The following MMP19 variants were observed in gnomAD, a reference collection of about 807,000 sequenced individuals.
MMP19 encodes matrix metalloproteinase-19.
A neutral mutation model predicts 46.6 loss-of-function variants in MMP19; 47 were observed. The ratio of observed to expected loss-of-function variants is 1.01; its 90% CI spans 0.80 to 1.29. MMP19 has a LOEUF of 1.29. Ranked by LOEUF, MMP19 falls within the 50% of genes most tolerant of loss-of-function variation. The pLI is 0.00. For synonymous variants in MMP19, 222 were observed against 248.5 expected, an observed-to-expected ratio of 0.89 and a Z score of 1.00; for missense variants, 589 against 643.5, an observed-to-expected ratio of 0.92 and a Z score of 0.92.
At chr12:55,837,497 A>T in intron 8 of MMP19, 58 bp downstream of exon 8, 1 of 1,602,900 alleles carries the variant, frequency 6.2e-7, no homozygotes, top group South Asian at 1.1e-5. Flanking sequence ...TTTGCTTCTC[A>T]GTATAAGGTA....
In MMP19 at chr12:55,836,055, C is replaced by T. The variant is rs1881189499; in HGVS notation, c.*981G>A. ...TTCTCACCGTGGGTGGCACTAATTT[C>T]CTCCTTAACCAGAACTTTGTTCCAG... On this transcript the variant is annotated 3_prime_UTR_variant, in exon 9 of 9. Coordinates refer to ENST00000322569, the MANE Select transcript of MMP19 (RefSeq NM_002429.6). 1 of 152,260 alleles carries T rather than the reference C, an allele frequency of 6.6e-6. No homozygotes were observed. Among genetic ancestry groups the T allele is most frequent in the African/African-American group, 2.4e-5 (1 of 41,456 alleles). 9.4% of individuals were successfully genotyped at this position (152,260 alleles called of 1,614,324 possible). A position where few individuals can be genotyped will look rare whatever the true frequency, so the allele number is the denominator to read the frequency against.
rs1881244886 is a variant in MMP19, at chr12:55,836,819, T to C, written c.*217A>G. On this transcript the variant is annotated 3_prime_UTR_variant, in exon 9 of 9. Transcript: ENST00000322569. ...GGGATCTGAGTTAGGGGAGCACTTC[T>C]CAGGAGTGAAAATGCACAGGAAAGT... 2.1e-6 allele frequency: 1 copy of C among 487,624 alleles called. No homozygotes were observed. The allele number at this position is 487,624 out of a possible 1,614,324, so 30.2% of individuals were successfully genotyped here.
At chr12:55,839,084 C>G (rs1408776255) in intron 5 of MMP19, among the ~76,000 whole-genome samples, 1 of 151,722 alleles carries the variant, frequency 6.6e-6, no homozygotes, top group African/African-American at 2.4e-5. Flanking sequence ...TACTAAAATA[C>G]AAAAACAATT....
chr12:55,840,066 C>T (rs1881572212), intron 4 of MMP19: 1 of 285,638 alleles, frequency 3.5e-6, no homozygotes, highest in South Asian at 6.0e-5. Context: ...TGGCTCACAC[C>T]TGTAATCCCA....
At position 55,840,966 on chromosome 12, in the gene MMP19, C is replaced by A; in HGVS notation, c.305-84G>T. On this transcript the variant is annotated intron_variant, in intron 3 of 8. Coordinates refer to ENST00000322569, the MANE Select transcript of MMP19 (RefSeq NM_002429.6). ...CTCCTCTGGGTTTAGGCACTCAACC[C>A]CCAAGACAGGTGACAACCAGGTAAT... The A allele has an allele frequency of 2.6e-6, 4 of 1,535,358 alleles. No homozygotes were observed. The South Asian group carries it at 5.0e-5, about 19-fold the overall frequency.
chr12:55,838,782 T>C (rs1881457611), intron 5 of MMP19, 48 bp from the exon 6 acceptor site: 1 of 1,462,896 alleles, frequency 6.8e-7, no homozygotes, highest in Non-Finnish European at 9.3e-7. Context: ...ACAGCACCTG[T>C]CCTCCACACC....
intron 5 of MMP19, among the ~76,000 whole-genome samples, chr12:55,839,200 C>T (rs1388695119): frequency 1.3e-5 from 2 of 149,336 alleles, no homozygotes; most frequent in African/African-American, 5.0e-5. Flanking sequence ...CAAGATCATG[C>T]CATTGCACTC....
intron 2 of MMP19, 60 bp downstream of exon 2, chr12:55,842,293 T>G: frequency 7.3e-7 from 1 of 1,374,298 alleles, no homozygotes; most frequent in Non-Finnish European, 1.0e-6. Flanking sequence ...GAGGAAGGGA[T>G]GAGAAGGAAG....
rs1176280262 is a variant in MMP19 at position 55,837,308 on chromosome 12, T to C, written c.1255A>G (p.Lys419Glu). ...TTTGGCACTCCCGTAAACAAACCCT[T>C]GATTGGTTTGGGGTAGCTGCTGAAG... The part of the protein sequence containing the change: ...TDFSSYPKPI[K>E]GLFTGVPNQP... Residue 419 changes from lysine to glutamate, a missense_variant, in exon 9 of 9, where the codon AAG (lysine) becomes GAG (glutamate). By Grantham distance (56) the Lys-to-Glu change is moderately conservative. Transcript: ENST00000322569. The C allele has an allele frequency of 3.7e-6, 6 of 1,613,726 alleles. No homozygotes were observed. The Admixed American group carries it at 5.0e-5, about 13-fold the overall frequency.
intron 1 of MMP19, 36 bp from the exon 2 acceptor site, chr12:55,842,474 G>A (rs1219920583): frequency 6.7e-7 from 1 of 1,500,686 alleles, no homozygotes; most frequent in Non-Finnish European, 9.3e-7. Flanking sequence ...GTTAAAAGGG[G>A]GTTAGTCTCA....
Position 55,837,087 on chromosome 12 carries a change from G to C in MMP19, c.1476C>G (p.Gly492=). 6.2e-7 allele frequency: 1 copy of C among 1,606,296 alleles called. No individual in the cohort carries two copies. The highest frequency in any genetic ancestry group is 8.5e-7 in the Non-Finnish European group (1 of 1,175,528). ...SGGNTTPSGT[G]ITLDTTLSAT... ...CTGAGAGAGTGGTATCCAAGGTTAT[G>C]CCCGTACCTGAGGGAGTGGTATTCC... The change falls in exon 9 of 9, where the codon GGC becomes GGG. Residue 492 remains glycine, a synonymous_variant. Transcript: ENST00000322569.
rs138487425 is a variant in MMP19 at position 55,840,879 on chromosome 12, C to T, written c.308G>A (p.Arg103His). 54 of 1,578,950 alleles carry T rather than the reference C, an allele frequency of 3.4e-5. No individual in the cohort carries two copies. The highest frequency in any genetic ancestry group is 6.8e-5 in the East Asian group (3 of 44,286). The change falls in exon 4 of 9, where the codon CGC (arginine) becomes CAC (histidine). Residue 103 changes from arginine (R) to histidine (H), a missense_variant. By Grantham distance (29) the Arg-to-His change is conservative. Transcript: ENST00000322569. ...GAAAGTCAGGTGCTTCTTTCTCCAG[C>T]GGCCTAGTTAATGACCAGAAAACAG... ...QKTLKYLLLG[R>H]WRKKHLTFRI...
chr12:55,838,399 C>G, intron 6 of MMP19: 1 of 1,142,728 alleles, frequency 8.8e-7, no homozygotes, highest in Non-Finnish European at 1.3e-6. Context: ...AGCGTGGCAG[C>G]CTTGGTAAGT....
intron 4 of MMP19, 147 bp downstream of exon 4, chr12:55,840,520 C>T (rs1592608886): frequency 6.9e-6 from 5 of 724,668 alleles, no homozygotes; most frequent in African/African-American, 1.8e-5. Flanking sequence ...CAACTGCGCC[C>T]GTGCTCCCGT....
At chr12:55,842,499 A>C in intron 1 of MMP19, 61 bp from the exon 2 acceptor site, 1 of 1,315,138 alleles carries the variant, frequency 7.6e-7, no homozygotes, top group Non-Finnish European at 1.1e-6. Context: ...AAAGCTTCTA[A>C]GTGACCTAAC....
intron 4 of MMP19, 74 bp from the exon 5 acceptor site, chr12:55,839,815 C>G (rs1881555797): frequency 2.0e-6 from 3 of 1,506,670 alleles, no homozygotes; most frequent in South Asian, 1.3e-5. Flanking sequence ...CTATTATAAA[C>G]TCTAATTAAT....
intron 2 of MMP19, 62 bp downstream of exon 2, chr12:55,842,291 G>T: frequency 7.4e-7 from 1 of 1,346,618 alleles, no homozygotes; most frequent in Non-Finnish European, 1.1e-6. Flanking sequence ...GAGAGGAAGG[G>T]ATGAGAAGGA....
chr12:55,842,629 G>T, intron 1 of MMP19, 115 bp downstream of exon 1: 1 of 934,210 alleles, frequency 1.1e-6, no homozygotes, highest in Non-Finnish European at 1.7e-6. Flanking sequence ...CCATGGGGCA[G>T]AGAGAGCAAG....
At chr12:55,841,625 C>T (rs1219088016) in intron 2 of MMP19, among the ~76,000 whole-genome samples, 1 of 151,708 alleles carries the variant, frequency 6.6e-6, no homozygotes, top group Non-Finnish European at 1.5e-5. Flanking sequence ...CATTATGTTG[C>T]CCAGGTTGCT....
Sources: allele counts gnomAD v4.1 joint callset (sites outside exome capture counted in the v4.1 genomes callset), GRCh38; gene constraint gnomAD v4.1.1; transcripts MANE v1.5; gene names NCBI Gene and HGNC (gene_info 2026-07-23, HGNC 2026-07-21).